KCNJ12: variants seen among roughly 807,000 people sequenced by gnomAD.
The protein encoded by KCNJ12 is ATP-sensitive inward rectifier potassium channel 12.
A neutral mutation model predicts 22.3 loss-of-function variants in KCNJ12; 2 were observed. The observed-to-expected ratio is 0.09, with a 90% CI of 0.04 to 0.28. The LOEUF (loss-of-function observed/expected upper bound fraction) is 0.28, where lower values mean the gene tolerates loss of function less well. KCNJ12 is among the 10% of genes least tolerant of loss of function. The pLI is 1.00. For missense variants in KCNJ12, 155 were observed against 633.3 expected, an observed-to-expected ratio of 0.24 and a Z score of 8.11; for synonymous variants, 117 against 261.4, an observed-to-expected ratio of 0.45 and a Z score of 5.33.
chr17:21,415,246 A>G (rs1250417540), intron 2 of KCNJ12, 41 bp from the exon 3 acceptor site: 2 of 1,528,802 alleles, frequency 1.3e-6, no homozygotes, highest in African/African-American at 2.7e-5. Context: ...AGGAGCCCGG[A>G]GCCACCAGCC....
At chr17:21,390,781 C>A (rs558225475) in intron 1 of KCNJ12, among the ~76,000 whole-genome samples, 1 of 152,224 alleles carries the variant, frequency 6.6e-6, no homozygotes, top group South Asian at 2.1e-4. Context: ...ATGTTTTTTT[C>A]TTGGAGGTGA....
intron 1 of KCNJ12, among the ~76,000 whole-genome samples, chr17:21,403,046 C>A (rs1239595106): frequency 3.3e-5 from 5 of 152,304 alleles, no homozygotes; most frequent in African/African-American, 1.2e-4. Context: ...GTCCTAGGGG[C>A]TCAAGAAACA....
In KCNJ12 at chr17:21,416,939, CG is replaced by C. The variant is rs1465240441; in HGVS notation, c.*299del. The C allele has an allele frequency of 1.9e-6, 1 of 513,894 alleles. No homozygotes were observed. The highest frequency in any genetic ancestry group is 3.5e-6 in the Non-Finnish European group (1 of 287,702). 31.8% of individuals were successfully genotyped at this position (513,894 alleles called of 1,614,324 possible). A position where few individuals can be genotyped will look rare whatever the true frequency, so the allele number is the denominator to read the frequency against. On this transcript the variant is annotated 3_prime_UTR_variant, in exon 3 of 3. Transcript: ENST00000583088. ...TGCCTGAAGATGGAGCTGCAGCCTG[CG>C]GGGAAGCAGCTCAGCTCGATGGTGG...
chr17:21,382,801 G>A (rs1040907117), intron 1 of KCNJ12, among the ~76,000 whole-genome samples: 3 of 152,146 alleles, frequency 2.0e-5, no homozygotes, highest in Admixed American at 6.5e-5. Context: ...TGTCTCCTGG[G>A]GCTCACCTGG....
chr17:21,383,175 C>T (rs564814360), intron 1 of KCNJ12, among the ~76,000 whole-genome samples: 2 of 152,330 alleles, frequency 1.3e-5, no homozygotes, highest in South Asian at 4.1e-4. Flanking sequence ...GGCCTGGTGG[C>T]CGGAGGTGTG....
chr17:21,391,151 A>G (rs1905200095), intron 1 of KCNJ12, among the ~76,000 whole-genome samples: 1 of 152,170 alleles, frequency 6.6e-6, no homozygotes, highest in Admixed American at 6.5e-5. Flanking sequence ...CTTCCTTGCC[A>G]GGGCTGAGGG....
chr17:21,382,553 A>G (rs782615225), intron 1 of KCNJ12, among the ~76,000 whole-genome samples: 21 of 152,310 alleles, frequency 1.4e-4, no homozygotes, highest in African/African-American at 2.2e-4. Context: ...ATGATTTGCA[A>G]TGATCAACTC....
At position 21,415,561 on chromosome 17, in the gene KCNJ12, C is replaced by T. The variant is rs1187004326; in HGVS notation, c.219C>T (p.Thr73=). 1.1e-5 allele frequency: 18 copies of T among 1,614,156 alleles called. No individual in the cohort carries two copies. Among genetic ancestry groups the T allele is most frequent in the Non-Finnish European group, 1.5e-5 (18 of 1,180,062 alleles). The change falls in exon 3 of 3, where the codon ACC becomes ACT. Residue 73 remains threonine (T), a synonymous_variant. Coordinates refer to ENST00000583088, the MANE Select transcript of KCNJ12 (RefSeq NM_021012.5). ...AGCGCTACCTGGCTGACATGTTCAC[C>T]ACCTGTGTGGACATCCGCTGGCGGT... ...KSQRYLADMF[T]TCVDIRWRYM... is the part of the protein sequence containing the mutation.
At chr17:21,396,692 C>T (rs1373064510) in intron 1 of KCNJ12, among the ~76,000 whole-genome samples, 1 of 152,202 alleles carries the variant, frequency 6.6e-6, no homozygotes, top group Non-Finnish European at 1.5e-5. Context: ...GGATGTGATT[C>T]AAGGGCTCTT....
intron 1 of KCNJ12, among the ~76,000 whole-genome samples, chr17:21,382,655 C>G (rs782011738): frequency 2.0e-5 from 3 of 152,228 alleles, no homozygotes; most frequent in Non-Finnish European, 4.4e-5. Context: ...CCCTCCTCCC[C>G]TGGATGTCCA....
In KCNJ12 at chr17:21,407,735, C is replaced by G. The variant is rs868951949; in HGVS notation, c.-178-784C>G. 5.3e-5 allele frequency among the ~76,000 whole-genome samples: 8 copies of G among 151,996 alleles called. No individual in the cohort carries two copies. In the East Asian group the frequency reaches 1.5e-3, roughly 29 times the overall value. ...CACACTTATCCATCCATCTATCCAA[C>G]CATCCATCCATCCATCCATTCATCC... is the stretch of plus-strand genomic sequence containing the variant. On this transcript the variant is annotated intron_variant, in intron 1 of 2. Transcript: ENST00000583088.
chr17:21,414,551 A>C (rs1479783641), intron 2 of KCNJ12, among the ~76,000 whole-genome samples: 1 of 152,278 alleles, frequency 6.6e-6, no homozygotes, highest in Non-Finnish European at 1.5e-5. Context: ...GGTGGGGTTG[A>C]TGGTTGAGTG....
At chr17:21,414,481 GAAA>G (rs370007019) in intron 2 of KCNJ12, among the ~76,000 whole-genome samples, 111 of 141,316 alleles carry the variant, frequency 7.9e-4, no homozygotes, top group Non-Finnish European at 1.3e-3. Context: ...GTCTAAAAAA[GAAA>G]AAAAGAAAGA....
At chr17:21,384,073 T>G (rs559946222) in intron 1 of KCNJ12, among the ~76,000 whole-genome samples, 1 of 152,216 alleles carries the variant, frequency 6.6e-6, no homozygotes, top group South Asian at 2.1e-4. Context: ...GGTTTCTCAG[T>G]GCTTATGCAG....
At chr17:21,387,495 T>G (rs996928201) in intron 1 of KCNJ12, among the ~76,000 whole-genome samples, 3 of 151,760 alleles carry the variant, frequency 2.0e-5, no homozygotes, top group Middle Eastern at 3.2e-3. Flanking sequence ...AACCATACTT[T>G]GGAGACATCG....
intron 1 of KCNJ12, among the ~76,000 whole-genome samples, chr17:21,406,919 C>A (rs1317771551): frequency 6.6e-6 from 1 of 152,288 alleles, no homozygotes; most frequent in Non-Finnish European, 1.5e-5. Context: ...CCAACCTCTT[C>A]TCTGATTCTC....
intron 1 of KCNJ12, among the ~76,000 whole-genome samples, chr17:21,400,539 T>C (rs1597568591): frequency 2.0e-5 from 3 of 152,402 alleles, no homozygotes; most frequent in Admixed American, 2.0e-4. Flanking sequence ...CTCAAACGGG[T>C]TTGGTGCTCA....
chr17:21,408,187 T>C (rs1906096029), intron 1 of KCNJ12, among the ~76,000 whole-genome samples: 1 of 152,302 alleles, frequency 6.6e-6, no homozygotes, highest in South Asian at 2.1e-4. Context: ...GTAACAACAA[T>C]AGTTCCAACC....
intron 1 of KCNJ12, among the ~76,000 whole-genome samples, chr17:21,398,257 G>A (rs569837330): frequency 2.0e-5 from 3 of 152,308 alleles, no homozygotes; most frequent in South Asian, 4.1e-4. Context: ...GGAGGCACAC[G>A]CAGGTGGACT....
Sources: allele counts gnomAD v4.1 joint callset (sites outside exome capture counted in the v4.1 genomes callset), GRCh38; gene constraint gnomAD v4.1.1; transcripts MANE v1.5; gene names NCBI Gene and HGNC (gene_info 2026-07-23, HGNC 2026-07-21).